SLC12A1: variants seen among roughly 807,000 people sequenced by gnomAD.
SLC12A1 encodes Na-K-2Cl cotransporter.
A neutral mutation model predicts 130.4 loss-of-function variants in SLC12A1; 89 were observed. That is an observed-to-expected ratio of 0.68 (90% CI 0.58 to 0.81). The LOEUF (loss-of-function observed/expected upper bound fraction) is 0.81, where lower values mean the gene tolerates loss of function less well. Among genes scored for constraint, SLC12A1 ranks in the 40% least tolerant of loss-of-function variants. The pLI, the probability that SLC12A1 is intolerant of heterozygous loss-of-function variation, is 0.00. For synonymous variants in SLC12A1, 499 were observed against 460.0 expected (o/e 1.08, Z -1.09); for missense variants, 1,310 against 1,336.4 (o/e 0.98, Z 0.31).
chr15:48,237,012 C>T, intron 9 of SLC12A1: 1 of 702,696 alleles, frequency 1.4e-6, no homozygotes, highest in Non-Finnish European at 2.6e-6. Flanking sequence ...GGAGCTTCAC[C>T]TCTCCCTCAA....
chr15:48,220,133 A>AGAT (rs1273459099), intron 2 of SLC12A1, among the ~76,000 whole-genome samples: 15 of 109,712 alleles, frequency 1.4e-4, no homozygotes, highest in South Asian at 5.9e-4. Context: ...AAAAAAAGGT[A>AGAT]GATAGATAGA....
In SLC12A1 at chr15:48,247,349, G is replaced by T; in HGVS notation, c.1573G>T (p.Asp525Tyr). 6.2e-7 allele frequency: 1 copy of T among 1,612,926 alleles called. No homozygotes were observed. Among genetic ancestry groups the T allele is most frequent in the Non-Finnish European group, 8.5e-7 (1 of 1,179,664 alleles). ...APKVFQALCK[D>Y]NIYKALQFFA... is the part of the protein sequence containing the mutation. ...TCTTTTCCATTAGGCTCTGTGCAAG[G>T]ACAACATCTACAAAGCCCTGCAGTT... Residue 525 changes from aspartate to tyrosine, a missense_variant, in exon 13 of 27, where the codon GAC becomes TAC. Physicochemically the swap from Asp to Tyr is radical, Grantham distance 160. Coordinates refer to ENST00000380993, the MANE Select transcript of SLC12A1 (RefSeq NM_000338.3).
chr15:48,295,297 C>T (rs145124691), intron 24 of SLC12A1, among the ~76,000 whole-genome samples: 2 of 152,048 alleles, frequency 1.3e-5, no homozygotes, highest in Non-Finnish European at 2.9e-5. Context: ...TTAATTTGTC[C>T]CTATATTTCT....
chr15:48,220,587 T>G, intron 2 of SLC12A1, 47 bp from the exon 3 acceptor site: 4 of 1,570,690 alleles, frequency 2.5e-6, no homozygotes, highest in South Asian at 1.2e-5. Flanking sequence ...CATGGAACCC[T>G]TTGTTCATTG....
At chr15:48,276,183 A>C (rs1465021752) in intron 20 of SLC12A1, among the ~76,000 whole-genome samples, 2 of 152,208 alleles carry the variant, frequency 1.3e-5, no homozygotes, top group African/African-American at 2.4e-5. Context: ...TGCAAGAGGA[A>C]GTATAGGTTT....
chr15:48,249,727 T>C, intron 14 of SLC12A1, 51 bp downstream of exon 14: 1 of 1,285,400 alleles, frequency 7.8e-7, no homozygotes, highest in Non-Finnish European at 1.1e-6. Flanking sequence ...TTAGTTTGTC[T>C]CAATAAAACG....
intron 7 of SLC12A1, among the ~76,000 whole-genome samples, chr15:48,230,854 C>G (rs2041367092): frequency 6.6e-6 from 1 of 152,256 alleles, no homozygotes; most frequent in East Asian, 1.9e-4. Context: ...GGTGCAAAAG[C>G]CCAAGAGAAA....
At chr15:48,231,568 C>T (rs993124429) in intron 7 of SLC12A1, among the ~76,000 whole-genome samples, 10 of 152,038 alleles carry the variant, frequency 6.6e-5, no homozygotes, top group East Asian at 5.8e-4. Context: ...TTTAACCTCT[C>T]GGTGCTTCAG....
intron 16 of SLC12A1, among the ~76,000 whole-genome samples, chr15:48,257,312 G>A (rs564826584): frequency 4.6e-5 from 7 of 152,114 alleles, no homozygotes; most frequent in Non-Finnish European, 5.9e-5. Flanking sequence ...GCAAACTGTC[G>A]GTGGATCTAC....
At position 48,254,592 on chromosome 15, in the gene SLC12A1, T is replaced by TAAAAAAAA. The variant is rs550686114; in HGVS notation, c.1943-1188_1943-1181dup. On this transcript the variant is annotated intron_variant, in intron 15 of 26. Transcript: ENST00000380993. ...AAGATCCATTTAATACTTAAATTCG[T>TAAAAAAAA]AAAAAAAAAAAAAAAAAAAAAAAAA... Among the ~76,000 whole-genome samples the TAAAAAAAA allele has an allele frequency of 1.6e-3, 86 of 52,882 alleles. 5 individuals carry two copies. Among genetic ancestry groups the TAAAAAAAA allele is most frequent in the Non-Finnish European group, 2.7e-3 (63 of 23,400 alleles). The allele number at this position is 52,882 out of a possible 152,430, so 34.7% of individuals were successfully genotyped here.
chr15:48,297,345 C>A (rs2042187637), intron 24 of SLC12A1, among the ~76,000 whole-genome samples: 1 of 152,120 alleles, frequency 6.6e-6, no homozygotes, highest in South Asian at 2.1e-4. Flanking sequence ...GTTGTGGGTG[C>A]TTATTGGTTC....
intron 17 of SLC12A1, 83 bp downstream of exon 17, chr15:48,259,394 C>T: frequency 1.1e-6 from 1 of 941,536 alleles, no homozygotes; most frequent in Non-Finnish European, 1.8e-6. Flanking sequence ...AAGGTACATG[C>T]AGTGACAGGA....
chr15:48,216,168 T>C (rs990582836), intron 2 of SLC12A1, among the ~76,000 whole-genome samples: 3 of 152,200 alleles, frequency 2.0e-5, no homozygotes, highest in Non-Finnish European at 2.9e-5. Flanking sequence ...ACTACACCTT[T>C]GAATAATTTA....
rs779395482 is a variant in SLC12A1, at chr15:48,288,065, G to C, written c.2652G>C (p.Gln884His). 6.2e-7 allele frequency: 1 copy of C among 1,611,146 alleles called. No homozygotes were observed. Among genetic ancestry groups the C allele is most frequent in the Non-Finnish European group, 8.5e-7 (1 of 1,178,716 alleles). ...PKKDGSINTS[Q>H]SMHVGEFNQK... Reference sequence around the variant, plus strand: ...CAGATGGCAGCATTAACACAAGCCAGTCGATGCATGTGGGAGAGTTCAACC... The same window carrying C: ...CAGATGGCAGCATTAACACAAGCCACTCGATGCATGTGGGAGAGTTCAACC... The change falls in exon 22 of 27, where the codon CAG becomes CAC. Residue 884 changes from glutamine to histidine, a missense_variant. By Grantham distance (24) the Gln-to-His change is conservative. Coordinates refer to ENST00000380993, the MANE Select transcript of SLC12A1 (RefSeq NM_000338.3).
chr15:48,206,610 A>G (rs897866346), intron 1 of SLC12A1, among the ~76,000 whole-genome samples: 2 of 152,156 alleles, frequency 1.3e-5, no homozygotes, highest in Non-Finnish European at 2.9e-5. Flanking sequence ...TGAAAAGCCA[A>G]ATTTTAAGGT....
chr15:48,267,442 C>T (rs962793040), intron 17 of SLC12A1, 119 bp from the exon 18 acceptor site: 10 of 1,103,010 alleles, frequency 9.1e-6, no homozygotes, highest in Non-Finnish European at 1.3e-5. Context: ...AGGTGTTTTT[C>T]CCTCTTTCCC....
intron 15 of SLC12A1, among the ~76,000 whole-genome samples, chr15:48,254,745 C>T (rs1219408156): frequency 1.3e-5 from 2 of 151,262 alleles, no homozygotes; most frequent in East Asian, 2.0e-4. Flanking sequence ...CACGGTGAAA[C>T]TCCGTCTCTA....
intron 15 of SLC12A1, among the ~76,000 whole-genome samples, chr15:48,255,436 CAAAAA>C (rs373793834): frequency 1.1e-5 from 1 of 89,318 alleles, no homozygotes. Flanking sequence ...AACTCCATCT[CAAAAA>C]AAAAAAAAAA....
chr15:48,219,267 G>A (rs59951980), intron 2 of SLC12A1, among the ~76,000 whole-genome samples: 6,887 of 152,214 alleles, frequency 0.045, 521 homozygotes, highest in African/African-American at 0.15. Context: ...CTTGTCGGCC[G>A]GGTGTGGTGG....
Sources: allele counts gnomAD v4.1 joint callset (sites outside exome capture counted in the v4.1 genomes callset), GRCh38; gene constraint gnomAD v4.1.1; transcripts MANE v1.5; gene names NCBI Gene and HGNC (gene_info 2026-07-23, HGNC 2026-07-21).